GPR19: variants seen among roughly 807,000 people sequenced by gnomAD.
GPR19 encodes G protein-coupled receptor 19.
A neutral mutation model predicts 28.5 loss-of-function variants in GPR19; 14 were observed. The observed-to-expected ratio is 0.49, with a 90% CI of 0.32 to 0.77. The LOEUF (loss-of-function observed/expected upper bound fraction) is 0.77. Among genes scored for constraint, GPR19 ranks in the 30% least tolerant of loss-of-function variants. The pLI, the probability that GPR19 is intolerant of heterozygous loss-of-function variation, is 0.03. For synonymous variants in GPR19, 173 were observed against 184.1 expected (o/e 0.94, Z 0.49); for missense variants, 409 against 504.1 (o/e 0.81, Z 1.81).
intron 3 of GPR19, among the ~76,000 whole-genome samples, chr12:12,679,539 A>T (rs1197387248): frequency 1.1e-5 from 1 of 93,746 alleles, no homozygotes; most frequent in African/African-American, 4.0e-5. Flanking sequence ...AAAACTAACA[A>T]GCACAAGATA....
intron 2 of GPR19, among the ~76,000 whole-genome samples, chr12:12,692,160 T>G: frequency 6.6e-6 from 1 of 152,242 alleles, no homozygotes; most frequent in East Asian, 1.9e-4. Context: ...TCAGTTTCCC[T>G]GTACCTCACA....
intron 2 of GPR19, among the ~76,000 whole-genome samples, chr12:12,690,086 A>T (rs746567722): frequency 6.6e-6 from 1 of 152,216 alleles, no homozygotes; most frequent in Non-Finnish European, 1.5e-5. Context: ...AAACTATGAC[A>T]TAATGTTTTT....
At chr12:12,683,182 G>A (rs968882780) in intron 3 of GPR19, among the ~76,000 whole-genome samples, 5 of 152,034 alleles carry the variant, frequency 3.3e-5, no homozygotes, top group South Asian at 2.1e-4. Flanking sequence ...GTAACATAGC[G>A]TTTTACTACA....
intron 3 of GPR19, among the ~76,000 whole-genome samples, chr12:12,683,819 G>C (rs541557610): frequency 1.3e-5 from 2 of 152,280 alleles, no homozygotes; most frequent in South Asian, 4.1e-4. Flanking sequence ...TACAAGATGT[G>C]AAATTCTGTG....
intron 3 of GPR19, among the ~76,000 whole-genome samples, chr12:12,667,552 G>A (rs544330481): frequency 4.6e-5 from 7 of 152,162 alleles, no homozygotes; most frequent in East Asian, 1.9e-4. Flanking sequence ...TTAGCCAGGC[G>A]TGGTGGCATG....
chr12:12,665,092 T>G (rs1945749656), intron 3 of GPR19, among the ~76,000 whole-genome samples: 1 of 152,160 alleles, frequency 6.6e-6, no homozygotes, highest in South Asian at 2.1e-4. Context: ...ATTTAAAGTT[T>G]AAAAATAAAC....
chr12:12,682,306 C>A (rs543973234), intron 3 of GPR19, among the ~76,000 whole-genome samples: 1 of 152,274 alleles, frequency 6.6e-6, no homozygotes, highest in Non-Finnish European at 1.5e-5. Context: ...CCAGGGCCAG[C>A]CTAACTATAT....
intron 2 of GPR19, among the ~76,000 whole-genome samples, chr12:12,688,216 C>T (rs1024358267): frequency 5.9e-5 from 9 of 152,028 alleles, no homozygotes; most frequent in African/African-American, 2.2e-4. Flanking sequence ...CCAAATTTAG[C>T]GTTACTAATA....
intron 2 of GPR19, among the ~76,000 whole-genome samples, chr12:12,692,974 TG>T (rs1301670687): frequency 6.6e-6 from 1 of 152,226 alleles, no homozygotes; most frequent in Non-Finnish European, 1.5e-5. Flanking sequence ...TAACTTCATG[TG>T]GCAAAAGATA....
intron 3 of GPR19, among the ~76,000 whole-genome samples, chr12:12,682,827 A>T (rs543555419): frequency 6.6e-6 from 1 of 152,338 alleles, no homozygotes; most frequent in South Asian, 2.1e-4. Flanking sequence ...GGAAATCTTT[A>T]TACCTCAGAA....
Position 12,661,238 on chromosome 12 carries a change from C to T in GPR19, c.1211G>A (p.Trp404Ter). The T allele has an allele frequency of 6.2e-7, 1 of 1,612,126 alleles. No individual in the cohort carries two copies. The highest frequency in any genetic ancestry group is 8.5e-7 in the Non-Finnish European group (1 of 1,179,174). Residue 404 changes from tryptophan to a stop codon, truncating the protein, a stop_gained, in exon 4 of 4, where the codon TGG (tryptophan) becomes TAG (stop). Coordinates refer to ENST00000651487, the MANE Select transcript of GPR19 (RefSeq NM_006143.3). LOFTEE classifies it high-confidence loss of function. This position sits in a 1 kb window ranked among gnomAD's most constrained non-coding sequence, Gnocchi z 4.2. ...ATTTGGTGGATTTGAGTTAATGGGCCAAGCAAGCTTTTTTTCCTTGGCTTC... is the reference window on the plus strand; with the variant it reads ...ATTTGGTGGATTTGAGTTAATGGGCTAAGCAAGCTTTTTTTCCTTGGCTTC... ...DREAKEKKLA[W>*]PINSNPPNTF...
intron 3 of GPR19, among the ~76,000 whole-genome samples, chr12:12,674,218 A>T (rs1321119395): frequency 9.8e-4 from 147 of 150,568 alleles, no homozygotes; most frequent in African/African-American, 3.1e-3. Context: ...TCAAAAAAAA[A>T]AAAAAAAAAA....
rs776479896 is a variant in GPR19 at position 12,661,764 on chromosome 12, A to T, written c.685T>A (p.Leu229Met). Residue 229 changes from leucine to methionine, a missense_variant, in exon 4 of 4, where the codon TTG becomes ATG. Transcript: ENST00000651487. This position sits in a 1 kb window ranked among gnomAD's most constrained non-coding sequence, Gnocchi z 4.2. Reference protein sequence around the residue: ...EGTAYTVIHFLVGFVIPSVLI... With the variant: ...EGTAYTVIHFMVGFVIPSVLI... ...ACAGATGGAATCACAAAGCCCACCA[A>T]GAAGTGGATGACAGTGTAGGCAGTG... 18 of 1,613,978 alleles carry T rather than the reference A, an allele frequency of 1.1e-5. No homozygotes were observed. Among genetic ancestry groups the T allele is most frequent in the Non-Finnish European group, 1.4e-5 (16 of 1,179,990 alleles).
chr12:12,693,302 C>A (rs1946213139), intron 2 of GPR19, among the ~76,000 whole-genome samples: 2 of 152,304 alleles, frequency 1.3e-5, no homozygotes, highest in South Asian at 4.1e-4. Flanking sequence ...TGCCCTGCTG[C>A]ACATGCATTC....
At chr12:12,670,471 T>A (rs543776968) in intron 3 of GPR19, among the ~76,000 whole-genome samples, 1 of 152,340 alleles carries the variant, frequency 6.6e-6, no homozygotes, top group East Asian at 1.9e-4. Flanking sequence ...TACCTAACCC[T>A]CTTGAGCTCC....
the GPR19 span, chr12:12,715,644 C>T: frequency 3.9e-5 from 6 of 152,322 alleles, no homozygotes. Context: ...ACAGCACAAT[C>T]AAACTCAGAC....
intron 2 of GPR19, among the ~76,000 whole-genome samples, chr12:12,685,815 A>G (rs990064898): frequency 5.3e-5 from 8 of 152,204 alleles, no homozygotes; most frequent in African/African-American, 1.9e-4. Flanking sequence ...GGGTGGTGGA[A>G]AGAACTCAAG....
chr12:12,696,346 T>G (rs1317869002), upstream of GPR19: 1 of 16,060 alleles, frequency 6.2e-5, no homozygotes, highest in Non-Finnish European at 2.1e-4. Flanking sequence ...GCCCTTTTTT[T>G]TTTTTTTTTT....
At position 12,661,635 on chromosome 12, in the gene GPR19, C is replaced by G. The variant is rs149524125; in HGVS notation, c.814G>C (p.Val272Leu). The part of the protein sequence containing the change: ...RTMNIVPRTK[V>L]KTIKMFLILN... ...ATGAGGAACATCTTGATAGTTTTCA[C>G]TTTTGTCCGAGGGACAATGTTCATT... The change falls in exon 4 of 4, where the codon GTG becomes CTG. Residue 272 changes from valine (V) to leucine (L), a missense_variant. Transcript: ENST00000651487. The surrounding 1 kb of genome is among the most constrained non-coding windows in gnomAD (Gnocchi z 4.2). The G allele has an allele frequency of 5.6e-6, 9 of 1,613,972 alleles. No homozygotes were observed. Among genetic ancestry groups the G allele is most frequent in the Admixed American group, 1.7e-5 (1 of 60,000 alleles).
Sources: gnomAD v4.1 joint callset for allele counts (sites outside exome capture counted in the v4.1 genomes callset) on GRCh38, gnomAD v4.1.1 for gene constraint, Gnocchi (gnomAD v3.1) non-coding constraint, MANE v1.5 for transcripts, NCBI Gene and HGNC (gene_info 2026-07-23, HGNC 2026-07-21) for gene names.